The following METTL24 variants were observed in gnomAD, a reference collection of about 807,000 sequenced individuals.
METTL24 encodes the protein probable methyltransferase-like protein 24.
In METTL24, 29 loss-of-function variants were observed where a neutral mutation model predicts 32.7. The observed-to-expected ratio is 0.89, with a 90% CI of 0.66 to 1.21. The LOEUF (loss-of-function observed/expected upper bound fraction) is 1.21, where lower values mean the gene tolerates loss of function less well. Among genes scored for constraint, METTL24 ranks in the 50% most tolerant of loss-of-function variants. The pLI is 0.00. For synonymous variants in METTL24, 163 were observed against 179.5 expected (o/e 0.91, Z 0.73); for missense variants, 439 against 468.1 (o/e 0.94, Z 0.57).
In METTL24 at chr6:110,315,438, G is replaced by C. The variant is rs763645864; in HGVS notation, c.461C>G (p.Ser154Cys). Residue 154 changes from serine to cysteine, a missense_variant, in exon 3 of 5, where the codon TCT becomes TGT. Coordinates refer to ENST00000338882, the MANE Select transcript of METTL24 (RefSeq NM_001123364.3). ...TGACCAGGGCTTGTGTGTAGGACTA[G>C]AGTCAGTAGCCAGGCTGTCTGTATT... ...HMNTDSLATDSSPTHKPWSVC... is the reference protein window; with the variant it reads ...HMNTDSLATDCSPTHKPWSVC... 9.3e-6 allele frequency: 15 copies of C among 1,614,004 alleles called. No individual in the cohort carries two copies. The highest frequency in any genetic ancestry group is 1.1e-5 in the Non-Finnish European group (13 of 1,180,008).
intron 3 of METTL24, among the ~76,000 whole-genome samples, chr6:110,314,232 C>T (rs9487370): frequency 0.033 from 5,028 of 152,094 alleles, 294 homozygotes; most frequent in African/African-American, 0.12. Context: ...GGGTCCCCAG[C>T]ACTGTTTGTA....
chr6:110,311,398 A>T (rs188110624), intron 3 of METTL24, among the ~76,000 whole-genome samples: 69 of 147,808 alleles, frequency 4.7e-4, no homozygotes, highest in African/African-American at 1.6e-3. Flanking sequence ...TAATCTATTC[A>T]TTGCTTTTCC....
At chr6:110,287,103 T>C (rs530306298) in intron 4 of METTL24, among the ~76,000 whole-genome samples, 2 of 152,330 alleles carry the variant, frequency 1.3e-5, no homozygotes, top group Non-Finnish European at 2.9e-5. Context: ...AGATGGGCTT[T>C]CTACTCTATT....
chr6:110,313,541 A>G (rs964659173), intron 3 of METTL24, among the ~76,000 whole-genome samples: 2 of 152,230 alleles, frequency 1.3e-5, no homozygotes, highest in African/African-American at 4.8e-5. Flanking sequence ...TATCCTTTAA[A>G]TGAAATTATC....
chr6:110,297,240 A>G (rs1771436920), intron 4 of METTL24, among the ~76,000 whole-genome samples: 1 of 152,222 alleles, frequency 6.6e-6, no homozygotes, highest in Admixed American at 6.5e-5. Context: ...CTCATGCTTT[A>G]TCCTTAGCAT....
At chr6:110,284,691 C>T (rs758382482) in intron 4 of METTL24, among the ~76,000 whole-genome samples, 1 of 152,066 alleles carries the variant, frequency 6.6e-6, no homozygotes, top group African/African-American at 2.4e-5. Context: ...GTTTTACCCA[C>T]CAACACCACA....
chr6:110,357,886 CGGG>C (rs896701448), intron 1 of METTL24, 66 bp downstream of exon 1: 2 of 945,986 alleles, frequency 2.1e-6, no homozygotes, highest in African/African-American at 3.5e-5. Context: ...ACCTGAGCGC[CGGG>C]CTCCGTAGCG....
intron 4 of METTL24, among the ~76,000 whole-genome samples, chr6:110,271,793 A>C (rs746591363): frequency 2.6e-5 from 4 of 152,254 alleles, no homozygotes; most frequent in Non-Finnish European, 5.9e-5. Context: ...AATTTAGATT[A>C]ATAGGATTCC....
chr6:110,311,474 T>C (rs1771721573), intron 3 of METTL24, among the ~76,000 whole-genome samples: 2 of 136,386 alleles, frequency 1.5e-5, no homozygotes, highest in African/African-American at 5.6e-5. Flanking sequence ...CTTTGTTTTT[T>C]TTTTTTTTTT....
chr6:110,346,873 C>T (rs1417008550), intron 1 of METTL24, among the ~76,000 whole-genome samples: 2 of 152,080 alleles, frequency 1.3e-5, no homozygotes, highest in Non-Finnish European at 2.9e-5. Context: ...AGAAATCTCA[C>T]TGTGTTTTGA....
At chr6:110,314,205 C>T (rs760600430) in intron 3 of METTL24, among the ~76,000 whole-genome samples, 11 of 152,104 alleles carry the variant, frequency 7.2e-5, no homozygotes, top group Non-Finnish European at 1.5e-4. Flanking sequence ...GACATGGAAA[C>T]GATCGATGTC....
chr6:110,271,884 T>C (rs1770963522), intron 4 of METTL24, among the ~76,000 whole-genome samples: 1 of 152,232 alleles, frequency 6.6e-6, no homozygotes, highest in South Asian at 2.1e-4. Context: ...ATTTTCTTTC[T>C]AGACAAAAAC....
Position 110,315,324 on chromosome 6 carries a change from G to A in METTL24, c.557+18C>T, listed in dbSNP as rs573471400. On this transcript the variant is annotated intron_variant, in intron 3 of 4. Coordinates refer to ENST00000338882, the MANE Select transcript of METTL24 (RefSeq NM_001123364.3). ...AGCAGTGTTTGTGTTTTCTTCTGCT[G>A]TAAAAAAATGTACTCACCCTAAGGA... 5.0e-6 allele frequency: 8 copies of A among 1,613,384 alleles called. No individual in the cohort carries two copies. Among genetic ancestry groups the A allele is most frequent in the Non-Finnish European group, 6.8e-6 (8 of 1,179,878 alleles).
intron 3 of METTL24, among the ~76,000 whole-genome samples, chr6:110,301,136 C>G (rs986768475): frequency 6.6e-6 from 1 of 152,158 alleles, no homozygotes; most frequent in Non-Finnish European, 1.5e-5. Flanking sequence ...TAAGTCAGCC[C>G]TCTGATGTCC....
At chr6:110,312,948 G>T (rs533461207) in intron 3 of METTL24, among the ~76,000 whole-genome samples, 1 of 152,190 alleles carries the variant, frequency 6.6e-6, no homozygotes, top group East Asian at 1.9e-4. Context: ...ATTTTTGAGC[G>T]GTTAAATTCC....
chr6:110,290,561 G>A (rs1302759076), intron 4 of METTL24, among the ~76,000 whole-genome samples: 1 of 152,130 alleles, frequency 6.6e-6, no homozygotes, highest in Non-Finnish European at 1.5e-5. Flanking sequence ...TGGATGTGTG[G>A]TAGGTATATG....
At chr6:110,352,593 CTTT>C (rs75737659) in intron 1 of METTL24, among the ~76,000 whole-genome samples, 4 of 145,638 alleles carry the variant, frequency 2.7e-5, no homozygotes, top group African/African-American at 5.1e-5. Context: ...ATTTTCATAT[CTTT>C]TTTTTTTTTT....
chr6:110,274,784 T>C (rs939002884), intron 4 of METTL24, among the ~76,000 whole-genome samples: 1 of 150,880 alleles, frequency 6.6e-6, no homozygotes, highest in East Asian at 1.9e-4. Flanking sequence ...TTTTTTTTTT[T>C]TTTCCTTTTC....
chr6:110,263,077 T>G (rs1376970414), intron 4 of METTL24, among the ~76,000 whole-genome samples: 1 of 152,300 alleles, frequency 6.6e-6, no homozygotes, highest in South Asian at 2.1e-4. Flanking sequence ...GGATGCCCTC[T>G]CTCACCACTC....
Sources: allele counts gnomAD v4.1 joint callset (sites outside exome capture counted in the v4.1 genomes callset), GRCh38; gene constraint gnomAD v4.1.1; transcripts MANE v1.5; gene names NCBI Gene and HGNC (gene_info 2026-07-23, HGNC 2026-07-21).